Variants in FMN1 observed in about 807,000 individuals in gnomAD.
The protein encoded by FMN1 is formin-1.
A neutral mutation model predicts 132.4 loss-of-function variants in FMN1; 110 were observed. The observed-to-expected ratio is 0.83, with a 90% CI of 0.71 to 0.97. The LOEUF is 0.97. Ranked by LOEUF, FMN1 falls within the 50% of genes least tolerant of loss-of-function variation. The pLI is 0.00. For synonymous variants in FMN1, 722 were observed against 651.7 expected, an observed-to-expected ratio of 1.11 and a Z score of -1.64; for missense variants, 1,792 against 1,705.3, an observed-to-expected ratio of 1.05 and a Z score of -0.90.
chr15:32,839,901 C>T (rs1340002179), intron 17 of FMN1, among the ~76,000 whole-genome samples: 2 of 151,572 alleles, frequency 1.3e-5, no homozygotes, highest in Non-Finnish European at 2.9e-5. Flanking sequence ...ACTACAGGTA[C>T]ACTGAAGAAC....
At chr15:33,097,842 T>C (rs2039146868) in intron 4 of FMN1, among the ~76,000 whole-genome samples, 1 of 152,190 alleles carries the variant, frequency 6.6e-6, no homozygotes, top group Admixed American at 6.5e-5. Context: ...TTCTTAGTAA[T>C]TACAACAGCT....
At chr15:33,126,472 A>G (rs1963081989) in intron 4 of FMN1, among the ~76,000 whole-genome samples, 1 of 152,060 alleles carries the variant, frequency 6.6e-6, no homozygotes, top group Admixed American at 6.5e-5. Context: ...TAACGTCCAA[A>G]ATTTTTTCAA....
At chr15:32,819,466 A>G (rs895500480) in intron 17 of FMN1, among the ~76,000 whole-genome samples, 2 of 152,200 alleles carry the variant, frequency 1.3e-5, no homozygotes, top group Non-Finnish European at 2.9e-5. Flanking sequence ...TTATTCTGGC[A>G]TATGGTGGTT....
intron 7 of FMN1, among the ~76,000 whole-genome samples, chr15:33,004,680 A>G: frequency 6.6e-6 from 1 of 152,208 alleles, no homozygotes; most frequent in African/African-American, 2.4e-5. Context: ...CAGCCATCCC[A>G]TTACTGGGTA....
intron 4 of FMN1, among the ~76,000 whole-genome samples, chr15:33,102,539 TCTCC>T (rs556478262): frequency 4.3e-4 from 66 of 152,168 alleles, no homozygotes; most frequent in African/African-American, 1.5e-3. Context: ...TCTTTTCCTC[TCTCC>T]CTCCTTCTCC....
At chr15:33,042,004 A>G (rs1403530303) in intron 6 of FMN1, among the ~76,000 whole-genome samples, 1 of 151,476 alleles carries the variant, frequency 6.6e-6, no homozygotes, top group Non-Finnish European at 1.5e-5. Flanking sequence ...AAAAATTAAA[A>G]AATAAAACAT....
At chr15:33,002,296 A>G (rs2034162051) in intron 7 of FMN1, among the ~76,000 whole-genome samples, 1 of 152,200 alleles carries the variant, frequency 6.6e-6, no homozygotes, top group Admixed American at 6.5e-5. Context: ...AGAAAATCTA[A>G]CAATGATAGC....
intron 3 of FMN1, among the ~76,000 whole-genome samples, chr15:33,176,166 AG>A (rs1321064602): frequency 6.6e-6 from 1 of 152,134 alleles, no homozygotes; most frequent in Non-Finnish European, 1.5e-5. Context: ...AGAGGTCAGG[AG>A]TTCAAGACCA....
chr15:33,087,311 T>G (rs901021997), intron 5 of FMN1, among the ~76,000 whole-genome samples: 2 of 152,074 alleles, frequency 1.3e-5, no homozygotes, highest in African/African-American at 2.4e-5. Flanking sequence ...TTTGGGAGGC[T>G]GAGGCAGGGA....
At chr15:33,081,895 T>C (rs1011017649) in intron 5 of FMN1, among the ~76,000 whole-genome samples, 4 of 152,170 alleles carry the variant, frequency 2.6e-5, no homozygotes, top group Non-Finnish European at 5.9e-5. Flanking sequence ...TACAATTACT[T>C]GGAACGGGAT....
At chr15:33,051,442 C>G (rs2036966791) in intron 6 of FMN1, among the ~76,000 whole-genome samples, 1 of 152,118 alleles carries the variant, frequency 6.6e-6, no homozygotes, top group African/African-American at 2.4e-5. Flanking sequence ...AGAGGGTCCC[C>G]TGCCACCACC....
chr15:33,099,801 T>G (rs1010428372), intron 4 of FMN1, among the ~76,000 whole-genome samples: 1 of 152,170 alleles, frequency 6.6e-6, no homozygotes, highest in African/African-American at 2.4e-5. Context: ...AAAAGGAATT[T>G]AAGTGGGAAT....
chr15:33,117,597 G>C (rs1354484793), intron 4 of FMN1, among the ~76,000 whole-genome samples: 3 of 152,186 alleles, frequency 2.0e-5, no homozygotes, highest in African/African-American at 7.2e-5. Flanking sequence ...CCACTTCAGG[G>C]ATCAAAATTT....
chr15:33,022,397 C>T (rs2035458553), intron 6 of FMN1, among the ~76,000 whole-genome samples: 1 of 152,136 alleles, frequency 6.6e-6, no homozygotes, highest in East Asian at 1.9e-4. Flanking sequence ...GAAACAACCA[C>T]TTTTCCTTGA....
At chr15:33,062,831 G>T (rs902155148) in intron 6 of FMN1, 2 of 152,112 alleles carry the variant, frequency 1.3e-5, no homozygotes, top group African/African-American at 4.8e-5. Flanking sequence ...AAAACCTTAT[G>T]AGAGATTTTC....
In FMN1 at chr15:33,045,142, C is replaced by T. The variant is rs1001209294; in HGVS notation, c.2161+19815G>A. ...TGCCACCGCATTCCCTGATGCCAGC[C>T]GTGGAAGCTGCTTGTGGTACATAGT... On this transcript the variant is annotated intron_variant, in intron 6 of 20. Coordinates refer to ENST00000616417, the MANE Select transcript of FMN1 (RefSeq NM_001277313.2). 7.2e-5 allele frequency among the ~76,000 whole-genome samples: 11 copies of T among 152,244 alleles called. No individual in the cohort carries two copies. The East Asian group carries it at 1.7e-3, about 24-fold the overall frequency.
intron 4 of FMN1, among the ~76,000 whole-genome samples, chr15:33,089,650 T>C (rs1394038777): frequency 6.6e-6 from 1 of 152,250 alleles, no homozygotes; most frequent in Non-Finnish European, 1.5e-5. Flanking sequence ...TAGGTATCAT[T>C]AGTGTTCTCA....
chr15:32,797,249 G>A (rs991790875), intron 19 of FMN1, among the ~76,000 whole-genome samples: 1 of 152,100 alleles, frequency 6.6e-6, no homozygotes, highest in Non-Finnish European at 1.5e-5. Flanking sequence ...TTCTCTGTTG[G>A]TCTTTTGTTT....
intron 4 of FMN1, among the ~76,000 whole-genome samples, chr15:33,124,077 A>C (rs1595525656): frequency 1.3e-5 from 2 of 152,320 alleles, no homozygotes; most frequent in South Asian, 4.1e-4. Flanking sequence ...CCCGTCCATA[A>C]ACAGATCACA....
Sources: allele counts gnomAD v4.1 joint callset (sites outside exome capture counted in the v4.1 genomes callset), GRCh38; gene constraint gnomAD v4.1.1; transcripts MANE v1.5; gene names NCBI Gene and HGNC (gene_info 2026-07-23, HGNC 2026-07-21).